The following GPM6A variants were observed in gnomAD, a reference collection of about 807,000 sequenced individuals.
GPM6A encodes neuronal membrane glycoprotein M6-a.
GPM6A carries 7 observed loss-of-function variants against 32.1 expected under a neutral mutation model. The ratio of observed to expected loss-of-function variants is 0.22; its 90% CI spans 0.12 to 0.41. The LOEUF is 0.41. GPM6A is among the 10% of genes least tolerant of loss of function. The pLI is 1.00. For synonymous variants in GPM6A, 130 were observed against 123.4 expected (o/e 1.05, Z -0.35); for missense variants, 235 against 347.2 (o/e 0.68, Z 2.57).
At chr4:175,853,939 T>A (rs1736339716) in intron 1 of GPM6A, among the ~76,000 whole-genome samples, 1 of 152,188 alleles carries the variant, frequency 6.6e-6, no homozygotes, top group East Asian at 1.9e-4. Context: ...ATACCCACTT[T>A]ACCTTGAAAC....
At chr4:175,705,007 C>T (rs968626601) in intron 1 of GPM6A, among the ~76,000 whole-genome samples, 3 of 152,098 alleles carry the variant, frequency 2.0e-5, no homozygotes, top group Admixed American at 1.3e-4. Flanking sequence ...AATTCAGGGT[C>T]GGTTTCACTT....
At chr4:175,710,341 C>G (rs1745459882) in intron 1 of GPM6A, among the ~76,000 whole-genome samples, 1 of 152,088 alleles carries the variant, frequency 6.6e-6, no homozygotes, top group East Asian at 1.9e-4. Context: ...AAGTTACCTT[C>G]TAATTCTGAT....
intron 1 of GPM6A, among the ~76,000 whole-genome samples, chr4:175,779,271 AT>A (rs1482199474): frequency 6.6e-5 from 10 of 152,180 alleles, no homozygotes; most frequent in African/African-American, 2.4e-4. Context: ...TATGAATATC[AT>A]CTGACCAATA....
intron 2 of GPM6A, among the ~76,000 whole-genome samples, chr4:175,678,182 G>A (rs1044349893): frequency 1.3e-5 from 2 of 152,120 alleles, no homozygotes; most frequent in Non-Finnish European, 2.9e-5. Flanking sequence ...AACATCTGGA[G>A]GAGAACTGTC....
intron 1 of GPM6A, among the ~76,000 whole-genome samples, chr4:175,915,454 T>C (rs1382358882): frequency 6.6e-6 from 1 of 152,066 alleles, no homozygotes; most frequent in Admixed American, 6.6e-5. Context: ...ATGCGGCTAA[T>C]TTTTGTATTT....
chr4:175,850,609 A>T (rs562179444), intron 1 of GPM6A, among the ~76,000 whole-genome samples: 59 of 152,264 alleles, frequency 3.9e-4, no homozygotes, highest in African/African-American at 1.4e-3. Flanking sequence ...CAGCAAAAAT[A>T]GTCTGAACTA....
At chr4:175,882,429 T>G (rs1414457209) in intron 1 of GPM6A, among the ~76,000 whole-genome samples, 1 of 152,010 alleles carries the variant, frequency 6.6e-6, no homozygotes, top group Non-Finnish European at 1.5e-5. Context: ...ATACCTTATT[T>G]CCTACTAAAT....
At chr4:175,938,867 T>A (rs1739323036) in intron 1 of GPM6A, among the ~76,000 whole-genome samples, 1 of 152,094 alleles carries the variant, frequency 6.6e-6, no homozygotes, top group African/African-American at 2.4e-5. Context: ...TAAAATATTA[T>A]GTATCAATAA....
At chr4:175,945,678 A>ATTAT in intron 1 of GPM6A, among the ~76,000 whole-genome samples, 1 of 145,308 alleles carries the variant, frequency 6.9e-6, no homozygotes, top group South Asian at 2.2e-4. Flanking sequence ...TATATGTTAT[A>ATTAT]AGTAATATAA....
chr4:175,821,273 A>G (rs1735269542), intron 1 of GPM6A, among the ~76,000 whole-genome samples: 2 of 152,112 alleles, frequency 1.3e-5, no homozygotes, highest in African/African-American at 2.4e-5. Flanking sequence ...TTAGCCAATG[A>G]TTTTCCTCTT....
intron 1 of GPM6A, among the ~76,000 whole-genome samples, chr4:175,931,889 A>T (rs987847449): frequency 6.6e-6 from 1 of 152,024 alleles, no homozygotes; most frequent in Non-Finnish European, 1.5e-5. Flanking sequence ...GTTCAGGACC[A>T]GTCTGGGCAA....
chr4:175,987,405 C>G (rs778336964), intron 1 of GPM6A, among the ~76,000 whole-genome samples: 2 of 152,040 alleles, frequency 1.3e-5, no homozygotes, highest in Non-Finnish European at 2.9e-5. Context: ...AAAATAACCT[C>G]TCATTTGATT....
At chr4:175,891,683 T>C (rs1737654416) in intron 1 of GPM6A, 1 of 152,212 alleles carries the variant, frequency 6.6e-6, no homozygotes. Flanking sequence ...TAGTTATTCC[T>C]TGAGAAGCTG....
At chr4:175,918,571 G>A (rs1295195423) in intron 1 of GPM6A, among the ~76,000 whole-genome samples, 1 of 151,970 alleles carries the variant, frequency 6.6e-6, no homozygotes, top group African/African-American at 2.4e-5. Context: ...CCATTTTCCT[G>A]TGGAAGACAG....
chr4:175,637,255 A>G (rs1441533092), intron 6 of GPM6A, among the ~76,000 whole-genome samples: 2 of 55,184 alleles, frequency 3.6e-5, no homozygotes, highest in Non-Finnish European at 6.3e-5. Context: ...TATATATAAT[A>G]TAAAATATAT....
intron 1 of GPM6A, among the ~76,000 whole-genome samples, chr4:175,818,341 G>A (rs1419467434): frequency 6.6e-6 from 1 of 152,176 alleles, no homozygotes; most frequent in Non-Finnish European, 1.5e-5. Context: ...GTTATCCTCA[G>A]GCAAAACTTT....
rs919449938 is a variant in GPM6A at position 175,773,406 on chromosome 4, T to C, written c.37+38785A>G. Among the ~76,000 whole-genome samples, 9 of 152,082 alleles carry C rather than the reference T, an allele frequency of 5.9e-5. 1 individual carries two copies. Among genetic ancestry groups the C allele is most frequent in the African/African-American group, 2.2e-4 (9 of 41,424 alleles). On this transcript the variant is annotated intron_variant, in intron 1 of 6. Coordinates refer to ENST00000393658, the MANE Select transcript of GPM6A (RefSeq NM_201591.3). ...AAAAACAGAAAATAAGAAAACCTAA[T>C]TGGCATAGATTGGTTGAAATTGAAA...
chr4:175,927,826 A>G (rs1738896092), intron 1 of GPM6A, among the ~76,000 whole-genome samples: 1 of 152,214 alleles, frequency 6.6e-6, no homozygotes, highest in Non-Finnish European at 1.5e-5. Flanking sequence ...CGGAGGTTGC[A>G]ATGAGCTGAG....
At chr4:175,935,226 T>C (rs1739180571) in intron 1 of GPM6A, among the ~76,000 whole-genome samples, 1 of 152,154 alleles carries the variant, frequency 6.6e-6, no homozygotes, top group African/African-American at 2.4e-5. Flanking sequence ...TTCTACTGCT[T>C]CAAAAGAGCC....
Sources: gnomAD v4.1 joint callset for allele counts (sites outside exome capture counted in the v4.1 genomes callset) on GRCh38, gnomAD v4.1.1 for gene constraint, MANE v1.5 for transcripts, NCBI Gene and HGNC (gene_info 2026-07-23, HGNC 2026-07-21) for gene names.